ADGRL3: variants seen among roughly 807,000 people sequenced by gnomAD.
ADGRL3 encodes adhesion G protein-coupled receptor L3.
In ADGRL3, 62 loss-of-function variants were observed where a neutral mutation model predicts 153.5. The observed-to-expected ratio is 0.40, with a 90% CI of 0.33 to 0.50. The LOEUF is 0.50. Among genes scored for constraint, ADGRL3 ranks in the 20% least tolerant of loss-of-function variants. The pLI is 0.47. For missense variants in ADGRL3, 1,641 were observed against 1,859.4 expected (o/e 0.88, Z 2.16); for synonymous variants, 710 against 672.5 (o/e 1.06, Z -0.86).
At chr4:61,344,454 G>T (rs1444072592) in intron 1 of ADGRL3, among the ~76,000 whole-genome samples, 1 of 152,150 alleles carries the variant, frequency 6.6e-6, no homozygotes, top group Admixed American at 6.5e-5. Context: ...TGCAGCATAT[G>T]AATCCTTGAA....
chr4:61,263,299 C>T (rs1213571798), intron 1 of ADGRL3, among the ~76,000 whole-genome samples: 2 of 150,836 alleles, frequency 1.3e-5, no homozygotes, highest in Non-Finnish European at 3.0e-5. Flanking sequence ...TAAAAAAAAC[C>T]TAATTTTCCC....
chr4:61,975,588 C>T (rs2099045084), intron 17 of ADGRL3, among the ~76,000 whole-genome samples: 1 of 152,050 alleles, frequency 6.6e-6, no homozygotes, highest in Non-Finnish European at 1.5e-5. Flanking sequence ...TGTCGTGTGA[C>T]TTATATATAA....
chr4:61,758,303 G>A (rs2096864205), intron 8 of ADGRL3, among the ~76,000 whole-genome samples: 2 of 152,056 alleles, frequency 1.3e-5, no homozygotes, highest in African/African-American at 4.8e-5. Context: ...CATTATTATT[G>A]CCTGGGAGTC....
chr4:61,795,449 T>TTAGACAGCAAC (rs1159322653), intron 8 of ADGRL3, among the ~76,000 whole-genome samples: 2 of 152,208 alleles, frequency 1.3e-5, no homozygotes, highest in African/African-American at 4.8e-5. Context: ...TCAAGAATGA[T>TTAGACAGCAAC]TAGACAGCAA....
In ADGRL3 at chr4:61,750,703, T is replaced by C. The variant is rs1450120500; in HGVS notation, c.1399+17149T>C. 4.7e-5 allele frequency among the ~76,000 whole-genome samples: 7 copies of C among 148,006 alleles called. No homozygotes were observed. In the East Asian group the frequency reaches 1.0e-3, roughly 21 times the overall value. On this transcript the variant is annotated intron_variant, in intron 8 of 26. Coordinates refer to ENST00000683033, the MANE Select transcript of ADGRL3 (RefSeq NM_001387552.1). The stretch of plus-strand genomic sequence containing the variant: ...TACTTGGGAGGCTGAGGCAGGAGAA[T>C]GGCGTGAACCCGGGAGGCGGAGCTT...
intron 5 of ADGRL3, among the ~76,000 whole-genome samples, chr4:61,635,213 AG>A (rs1207445496): frequency 6.6e-6 from 1 of 152,126 alleles, no homozygotes; most frequent in Non-Finnish European, 1.5e-5. Context: ...AAGCTGGGGA[AG>A]GAGGGGAGAA....
intron 2 of ADGRL3, among the ~76,000 whole-genome samples, chr4:61,494,938 A>G (rs1329571567): frequency 6.6e-6 from 1 of 152,194 alleles, no homozygotes; most frequent in African/African-American, 2.4e-5. Flanking sequence ...TGCTAATGCT[A>G]TAGCACCTAC....
intron 18 of ADGRL3, among the ~76,000 whole-genome samples, chr4:61,983,102 A>C (rs892587304): frequency 6.6e-6 from 1 of 152,166 alleles, no homozygotes; most frequent in Non-Finnish European, 1.5e-5. Flanking sequence ...AGAAATAATT[A>C]TTCATAGGCT....
intron 1 of ADGRL3, among the ~76,000 whole-genome samples, chr4:61,350,620 G>A (rs965495866): frequency 3.3e-5 from 5 of 151,878 alleles, no homozygotes; most frequent in African/African-American, 7.3e-5. Context: ...CTTTATGTCC[G>A]TGTGTCACAT....
chr4:61,946,921 C>T lies in ADGRL3; in HGVS notation c.2427C>T (p.Ile809=), dbSNP rs1173763663. 1.9e-6 allele frequency: 3 copies of T among 1,613,208 alleles called. No homozygotes were observed. The highest frequency in any genetic ancestry group is 2.5e-6 in the Non-Finnish European group (3 of 1,179,280). ...TLKQNGRNGE[I]RVAFVLYNNL... Reference sequence around the variant, plus strand: ...AGTTTGCATTTACTTTAGGAGAGATCAGAGTGGCCTTTGTCCTGTATAACA... The same window carrying T: ...AGTTTGCATTTACTTTAGGAGAGATTAGAGTGGCCTTTGTCCTGTATAACA... Residue 809 remains isoleucine (I), a synonymous_variant, in exon 16 of 27, where the codon ATC becomes ATT. Coordinates refer to ENST00000683033, the MANE Select transcript of ADGRL3 (RefSeq NM_001387552.1).
intron 9 of ADGRL3, among the ~76,000 whole-genome samples, chr4:61,815,737 G>C (rs1384336156): frequency 6.6e-6 from 1 of 152,230 alleles, no homozygotes; most frequent in Non-Finnish European, 1.5e-5. Context: ...CTGACCTAAT[G>C]AATGGATTGA....
chr4:61,508,493 T>A (rs537511231), intron 3 of ADGRL3, among the ~76,000 whole-genome samples: 1 of 152,358 alleles, frequency 6.6e-6, no homozygotes, highest in East Asian at 1.9e-4. Flanking sequence ...TATTCTTTTA[T>A]AAATACAGAG....
intron 13 of ADGRL3, among the ~76,000 whole-genome samples, chr4:61,924,663 A>G (rs1021311031): frequency 6.6e-6 from 1 of 152,064 alleles, no homozygotes; most frequent in Non-Finnish European, 1.5e-5. Context: ...AAGGTTTTGG[A>G]CCATGCAAAC....
intron 17 of ADGRL3, among the ~76,000 whole-genome samples, chr4:61,963,506 A>T (rs987356684): frequency 7.9e-5 from 12 of 152,162 alleles, no homozygotes; most frequent in African/African-American, 2.9e-4. Flanking sequence ...AAGAGAGAGC[A>T]TGCAGTGTTT....
At chr4:61,391,546 G>C (rs1337373838) in intron 2 of ADGRL3, among the ~76,000 whole-genome samples, 1 of 152,116 alleles carries the variant, frequency 6.6e-6, no homozygotes, top group Non-Finnish European at 1.5e-5. Context: ...GTGTGAGTCT[G>C]CATGTATGTG....
intron 1 of ADGRL3, among the ~76,000 whole-genome samples, chr4:61,213,836 A>G (rs1741327597): frequency 6.6e-6 from 1 of 152,120 alleles, no homozygotes; most frequent in South Asian, 2.1e-4. Flanking sequence ...CGAGTGCTGA[A>G]AGCTTGGCCT....
chr4:61,252,810 C>T (rs759993740), intron 1 of ADGRL3, among the ~76,000 whole-genome samples: 31 of 151,796 alleles, frequency 2.0e-4, no homozygotes, highest in Middle Eastern at 3.2e-3. Flanking sequence ...ATCTAAATGA[C>T]CATACTGTCT....
chr4:61,327,495 G>A (rs764776133), intron 1 of ADGRL3, among the ~76,000 whole-genome samples: 1 of 151,800 alleles, frequency 6.6e-6, no homozygotes, highest in Non-Finnish European at 1.5e-5. Context: ...GTTTAGACTT[G>A]TTGAGTTCAA....
At chr4:61,605,202 G>T (rs1010767397) in intron 5 of ADGRL3, among the ~76,000 whole-genome samples, 1 of 150,686 alleles carries the variant, frequency 6.6e-6, no homozygotes, top group Non-Finnish European at 1.5e-5. Flanking sequence ...AAAGTATCTT[G>T]CAACAAAATG....
Sources: gnomAD v4.1 joint callset for allele counts (sites outside exome capture counted in the v4.1 genomes callset) on GRCh38, gnomAD v4.1.1 for gene constraint, MANE v1.5 for transcripts, NCBI Gene and HGNC (gene_info 2026-07-23, HGNC 2026-07-21) for gene names.